The following RGS7 variants were observed in gnomAD, a reference collection of about 807,000 sequenced individuals.
RGS7 encodes the protein regulator of G-protein signaling 7.
A neutral mutation model predicts 81.1 loss-of-function variants in RGS7; 27 were observed. That is an observed-to-expected ratio of 0.33 (90% CI 0.25 to 0.46). RGS7 has a LOEUF of 0.46. Among genes scored for constraint, RGS7 ranks in the 20% least tolerant of loss-of-function variants. The probability of loss-of-function intolerance (pLI) is 1.00; values close to 1 mark genes in which losing one functional copy is unlikely to be tolerated. For synonymous variants in RGS7, 208 were observed against 207.7 expected, an observed-to-expected ratio of 1.00 and a Z score of -0.01; for missense variants, 396 against 607.4, an observed-to-expected ratio of 0.65 and a Z score of 3.66.
intron 2 of RGS7, among the ~76,000 whole-genome samples, chr1:241,182,825 TTTTG>T (rs71172686): frequency 2.2e-4 from 33 of 149,994 alleles, no homozygotes; most frequent in Admixed American, 3.3e-4. Context: ...ATTTTTCGGT[TTTTG>T]TTTGTTTGTT....
chr1:241,330,852 T>A (rs1228676563), intron 2 of RGS7, among the ~76,000 whole-genome samples: 1 of 152,222 alleles, frequency 6.6e-6, no homozygotes, highest in African/African-American at 2.4e-5. Flanking sequence ...ATTTGAGTGA[T>A]GCTTTCAATA....
At chr1:241,062,911 G>T (rs2061822775) in intron 3 of RGS7, among the ~76,000 whole-genome samples, 1 of 152,100 alleles carries the variant, frequency 6.6e-6, no homozygotes, top group Admixed American at 6.5e-5. Flanking sequence ...AAGTGTATTT[G>T]GGCACAGATC....
At chr1:241,108,469 G>C (rs2065284412) in intron 2 of RGS7, among the ~76,000 whole-genome samples, 1 of 152,130 alleles carries the variant, frequency 6.6e-6, no homozygotes, top group South Asian at 2.1e-4. Flanking sequence ...TGCACTCTTC[G>C]GCATGGTAAG....
chr1:241,120,862 A>C (rs2066204144), intron 2 of RGS7, among the ~76,000 whole-genome samples: 1 of 152,080 alleles, frequency 6.6e-6, no homozygotes, highest in South Asian at 2.1e-4. Context: ...TGGAGGATAG[A>C]GGGTTTAGAG....
chr1:240,887,159 A>G (rs1374752380), intron 6 of RGS7, among the ~76,000 whole-genome samples: 4 of 152,200 alleles, frequency 2.6e-5, no homozygotes, highest in African/African-American at 4.8e-5. Flanking sequence ...GTTTCTACTC[A>G]AAAGAAAATT....
chr1:241,197,415 C>T lies in RGS7; in HGVS notation c.79-98653G>A, dbSNP rs1457044757. On this transcript the variant is annotated intron_variant, in intron 2 of 18. Coordinates refer to ENST00000440928, the MANE Select transcript of RGS7 (RefSeq NM_001364886.1). ...GACTACAGGCGCCCGCCACTACGCC[C>T]GGCTAATTTTTTGTATTTTTAGTAG... Among the ~76,000 whole-genome samples, 5 of 40,356 alleles carry T rather than the reference C, an allele frequency of 1.2e-4. 2 individuals carry two copies. Among genetic ancestry groups the T allele is most frequent in the Admixed American group, 3.5e-4 (1 of 2,850 alleles). The allele number at this position is 40,356 out of a possible 152,430, so 26.5% of individuals were successfully genotyped here.
chr1:240,835,627 T>C (rs1299950174), intron 9 of RGS7, among the ~76,000 whole-genome samples: 1 of 152,220 alleles, frequency 6.6e-6, no homozygotes, highest in Non-Finnish European at 1.5e-5. Flanking sequence ...CAAAAAAACC[T>C]GTACACGGAT....
At chr1:241,184,617 C>A (rs1266937375) in intron 2 of RGS7, among the ~76,000 whole-genome samples, 1 of 152,154 alleles carries the variant, frequency 6.6e-6, no homozygotes, top group Non-Finnish European at 1.5e-5. Flanking sequence ...ACACAAACTT[C>A]ATTTCCATTT....
chr1:241,310,691 T>C (rs942033848), intron 2 of RGS7, among the ~76,000 whole-genome samples: 11 of 152,264 alleles, frequency 7.2e-5, no homozygotes, highest in African/African-American at 2.4e-4. Context: ...CAGTGACTGA[T>C]GAGTGAATCA....
At chr1:240,838,844 G>A (rs370115379) in intron 9 of RGS7, among the ~76,000 whole-genome samples, 3 of 151,538 alleles carry the variant, frequency 2.0e-5, no homozygotes, top group African/African-American at 7.3e-5. Flanking sequence ...TCGGCTCACC[G>A]CAAGCTCCGC....
intron 9 of RGS7, among the ~76,000 whole-genome samples, chr1:240,861,326 T>TGAA (rs1243552679): frequency 4.6e-5 from 7 of 152,152 alleles, no homozygotes; most frequent in African/African-American, 1.7e-4. Context: ...ACGTCTTTGT[T>TGAA]GAATGCTTGG....
intron 2 of RGS7, among the ~76,000 whole-genome samples, chr1:241,232,414 C>T (rs1455017989): frequency 4.6e-5 from 7 of 151,654 alleles, no homozygotes; most frequent in African/African-American, 1.5e-4. Context: ...ATTTTATTGC[C>T]CAGGCTGGTC....
chr1:240,981,000 C>T (rs191337605), intron 4 of RGS7, among the ~76,000 whole-genome samples: 3 of 152,302 alleles, frequency 2.0e-5, no homozygotes, highest in East Asian at 1.9e-4. Flanking sequence ...AAACAAGATC[C>T]TACCTGTAAA....
At chr1:240,948,995 G>A (rs1679111915) in intron 4 of RGS7, among the ~76,000 whole-genome samples, 1 of 151,942 alleles carries the variant, frequency 6.6e-6, no homozygotes, top group South Asian at 2.1e-4. Context: ...TGACTTAACT[G>A]GAGTTATATT....
intron 4 of RGS7, among the ~76,000 whole-genome samples, chr1:240,958,869 C>A (rs983124409): frequency 1.3e-5 from 2 of 152,196 alleles, no homozygotes; most frequent in Non-Finnish European, 2.9e-5. Flanking sequence ...CCAATGAGCC[C>A]TAAATGCCTG....
At chr1:240,860,319 A>G (rs1210212989) in intron 9 of RGS7, among the ~76,000 whole-genome samples, 1 of 152,140 alleles carries the variant, frequency 6.6e-6, no homozygotes, top group Non-Finnish European at 1.5e-5. Flanking sequence ...TCTCAAAATA[A>G]AATAGCGTAT....
intron 6 of RGS7, among the ~76,000 whole-genome samples, chr1:240,873,572 C>T (rs1417208819): frequency 6.6e-6 from 1 of 152,120 alleles, no homozygotes; most frequent in Non-Finnish European, 1.5e-5. Context: ...GTTTCTGGAT[C>T]CCATCTTTGA....
chr1:241,174,793 G>A (rs920090037), intron 2 of RGS7, among the ~76,000 whole-genome samples: 3 of 151,282 alleles, frequency 2.0e-5, no homozygotes, highest in African/African-American at 7.3e-5. Context: ...GGTCCTGTGA[G>A]TGTATGATGA....
At chr1:241,199,565 T>C (rs1421412140) in intron 2 of RGS7, among the ~76,000 whole-genome samples, 1 of 151,896 alleles carries the variant, frequency 6.6e-6, no homozygotes, top group Non-Finnish European at 1.5e-5. Flanking sequence ...ACATTTGACA[T>C]GTACAAGAGG....
Sources: gnomAD v4.1 joint callset for allele counts (sites outside exome capture counted in the v4.1 genomes callset) on GRCh38, gnomAD v4.1.1 for gene constraint, MANE v1.5 for transcripts, NCBI Gene and HGNC (gene_info 2026-07-23, HGNC 2026-07-21) for gene names.